The following HSD17B11 variants were observed in gnomAD, a reference collection of about 807,000 sequenced individuals.
HSD17B11 encodes hydroxysteroid 17-beta dehydrogenase 11.
A neutral mutation model predicts 27.8 loss-of-function variants in HSD17B11; 22 were observed. That is an observed-to-expected ratio of 0.79 (90% CI 0.56 to 1.13). The LOEUF is 1.13. HSD17B11 is among the 50% of genes most tolerant of loss of function. HSD17B11 has a pLI of 0.00. For synonymous variants in HSD17B11, 117 were observed against 132.8 expected (o/e 0.88, Z 0.82); for missense variants, 314 against 351.1 (o/e 0.89, Z 0.84).
chr4:87,340,550 A>G lies in HSD17B11; in HGVS notation c.752T>C (p.Leu251Pro), dbSNP rs771065955. The G allele has an allele frequency of 6.2e-7, 1 of 1,613,244 alleles. No individual in the cohort carries two copies. The highest frequency in any genetic ancestry group is 8.5e-7 in the Non-Finnish European group (1 of 1,179,600). The change falls in exon 6 of 7, where the codon CTG (leucine) becomes CCG (proline). Residue 251 changes from leucine to proline, a missense_variant. Coordinates refer to ENST00000358290, the MANE Select transcript of HSD17B11 (RefSeq NM_016245.5). The part of the protein sequence containing the change: ...EVVNRLMHGI[L>P]TEQKMIFIPS... ...AATAAAAATCATCTTCTGCTCAGTC[A>G]GAATCCCATGCATCAGCCTGTTTAC...
intron 5 of HSD17B11, among the ~76,000 whole-genome samples, chr4:87,343,241 G>GA (rs1316114651): frequency 6.6e-5 from 10 of 152,066 alleles, no homozygotes; most frequent in Non-Finnish European, 1.2e-4. Context: ...AAGGCTTTCA[G>GA]AAAAAACTCA....
chr4:87,384,409 G>A (rs1720251664), intron 1 of HSD17B11, among the ~76,000 whole-genome samples: 1 of 152,132 alleles, frequency 6.6e-6, no homozygotes, highest in African/African-American at 2.4e-5. Context: ...AGGGAACAAG[G>A]GAAGACAACC....
chr4:87,366,456 G>A (rs1306605097), intron 4 of HSD17B11, among the ~76,000 whole-genome samples: 4 of 152,188 alleles, frequency 2.6e-5, no homozygotes, highest in East Asian at 1.9e-4. Context: ...CGCTTATTTG[G>A]TATAAAAATC....
chr4:87,339,946 A>G (rs1242854705), intron 6 of HSD17B11, among the ~76,000 whole-genome samples: 1 of 152,228 alleles, frequency 6.6e-6, no homozygotes, highest in Non-Finnish European at 1.5e-5. Flanking sequence ...TGAAATGCAA[A>G]TTCTGACTCA....
intron 6 of HSD17B11, among the ~76,000 whole-genome samples, chr4:87,339,132 G>A (rs1001277109): frequency 1.3e-4 from 20 of 152,148 alleles, no homozygotes; most frequent in African/African-American, 4.8e-4. Flanking sequence ...ATGAAAACTA[G>A]GCAAAATTCC....
chr4:87,359,193 G>A (rs544031370), intron 4 of HSD17B11, among the ~76,000 whole-genome samples: 1 of 152,220 alleles, frequency 6.6e-6, no homozygotes, highest in African/African-American at 2.4e-5. Context: ...GCCAGTCTTG[G>A]GCAGTTATTT....
At chr4:87,372,177 A>T (rs1182048462) in intron 4 of HSD17B11, among the ~76,000 whole-genome samples, 38 of 145,372 alleles carry the variant, frequency 2.6e-4, no homozygotes, top group Admixed American at 8.0e-4. Flanking sequence ...CAGGAGGCGG[A>T]GCTTGCAGTG....
intron 2 of HSD17B11, among the ~76,000 whole-genome samples, chr4:87,381,186 C>CCAAAA (rs746118163): frequency 3.5e-5 from 4 of 114,326 alleles, no homozygotes; most frequent in Admixed American, 9.0e-5. Context: ...GACTCCATTT[C>CCAAAA]AAAAAAAAAA....
At chr4:87,372,350 A>G (rs6849382) in intron 4 of HSD17B11, among the ~76,000 whole-genome samples, 1 of 151,514 alleles carries the variant, frequency 6.6e-6, no homozygotes, top group Non-Finnish European at 1.5e-5. Flanking sequence ...AATATTAAAA[A>G]TTATAAATAT....
intron 6 of HSD17B11, among the ~76,000 whole-genome samples, chr4:87,338,220 C>G (rs182756788): frequency 6.7e-6 from 1 of 150,354 alleles, no homozygotes; most frequent in East Asian, 1.9e-4. Context: ...CCGTCCCCCA[C>G]AGCACCCCCC....
intron 1 of HSD17B11, among the ~76,000 whole-genome samples, chr4:87,384,752 T>G (rs1189007429): frequency 2.1e-5 from 3 of 145,292 alleles, no homozygotes; most frequent in Non-Finnish European, 4.4e-5. Flanking sequence ...TGTTTTCTGT[T>G]GTTTAAGATG....
rs564886418 is a variant in HSD17B11 at position 87,385,186 on chromosome 4, C to T, written c.211-2824G>A. ...TTGCTCTCCTATACTTAACCAGCAG[C>T]TTTTGGCATTTCCTTTTACAAGTAT... On this transcript the variant is annotated intron_variant, in intron 1 of 6. Coordinates refer to ENST00000358290, the MANE Select transcript of HSD17B11 (RefSeq NM_016245.5). Among the ~76,000 whole-genome samples the T allele has an allele frequency of 1.1e-4, 17 of 152,278 alleles. No individual in the cohort carries two copies. The South Asian group carries it at 3.3e-3, about 30-fold the overall frequency.
intron 2 of HSD17B11, among the ~76,000 whole-genome samples, chr4:87,379,961 G>GTA (rs1490552569): frequency 6.8e-6 from 1 of 146,806 alleles, no homozygotes; most frequent in Non-Finnish European, 1.5e-5. Flanking sequence ...TTATCAGCCT[G>GTA]TATATATATA....
intron 4 of HSD17B11, among the ~76,000 whole-genome samples, chr4:87,371,004 G>T: frequency 7.3e-6 from 1 of 136,786 alleles, no homozygotes; most frequent in Non-Finnish European, 1.5e-5. Flanking sequence ...CGCCCGCCTC[G>T]GCCTCCCAAA....
chr4:87,365,694 C>G (rs1019747653), intron 4 of HSD17B11, among the ~76,000 whole-genome samples: 6 of 151,768 alleles, frequency 4.0e-5, no homozygotes, highest in Non-Finnish European at 5.9e-5. Flanking sequence ...ATTAAGACTA[C>G]TGAAGAAACA....
At chr4:87,345,682 G>C (rs1453810108) in intron 5 of HSD17B11, among the ~76,000 whole-genome samples, 1 of 152,056 alleles carries the variant, frequency 6.6e-6, no homozygotes, top group Admixed American at 6.5e-5. Flanking sequence ...TAGGACAATT[G>C]CATGCCAACA....
intron 5 of HSD17B11, among the ~76,000 whole-genome samples, chr4:87,355,241 T>A (rs533794889): frequency 6.6e-6 from 1 of 152,302 alleles, no homozygotes; most frequent in African/African-American, 2.4e-5. Context: ...TATTATTTAA[T>A]AAATAGTGCA....
chr4:87,373,869 A>G (rs933742493), intron 3 of HSD17B11, among the ~76,000 whole-genome samples: 2 of 152,024 alleles, frequency 1.3e-5, no homozygotes, highest in African/African-American at 4.8e-5. Context: ...ATCCAAGAAA[A>G]CTTTGAGGGG....
intron 4 of HSD17B11, 26 bp downstream of exon 4, chr4:87,372,683 A>C (rs540105188): frequency 7.3e-7 from 1 of 1,374,016 alleles, no homozygotes; most frequent in African/African-American, 1.4e-5. Context: ...CATAAGAACC[A>C]ATGAAGGAAA....
Sources: allele counts gnomAD v4.1 joint callset (sites outside exome capture counted in the v4.1 genomes callset), GRCh38; gene constraint gnomAD v4.1.1; transcripts MANE v1.5; gene names NCBI Gene and HGNC (gene_info 2026-07-23, HGNC 2026-07-21).